The following KLF12 variants were observed in gnomAD, a reference collection of about 807,000 sequenced individuals.
The protein encoded by KLF12 is KLF transcription factor 12.
Under a neutral mutation model 37.8 loss-of-function variants are expected in KLF12, and 9 were observed. That is an observed-to-expected ratio of 0.24 (90% CI 0.14 to 0.42). The LOEUF (loss-of-function observed/expected upper bound fraction) is 0.42. Ranked by LOEUF, KLF12 falls within the 10% of genes least tolerant of loss-of-function variation. The pLI, the probability that KLF12 is intolerant of heterozygous loss-of-function variation, is 1.00. For synonymous variants in KLF12, 208 were observed against 202.1 expected (o/e 1.03, Z -0.25); for missense variants, 411 against 516.0 (o/e 0.80, Z 1.97).
intron 1 of KLF12, among the ~76,000 whole-genome samples, chr13:74,131,995 T>C (rs905544308): frequency 2.8e-4 from 43 of 152,322 alleles, no homozygotes; most frequent in African/African-American, 9.9e-4. Flanking sequence ...ATTTCCACTA[T>C]GCTTCTACAG....
chr13:74,181,801 T>G, the KLF12 span, among the ~76,000 whole-genome samples: 1 of 152,060 alleles, frequency 6.6e-6, no homozygotes, highest in Non-Finnish European at 1.5e-5. Context: ...TTTGACTGTA[T>G]ACACTGTATA....
chr13:74,115,796 A>C (rs895451702), intron 1 of KLF12, among the ~76,000 whole-genome samples: 1 of 151,680 alleles, frequency 6.6e-6, no homozygotes, highest in Non-Finnish European at 1.5e-5. Context: ...CCACATCCTT[A>C]CAACCCCTGC....
At chr13:74,043,234 TTAAA>T (rs1893454575) in intron 1 of KLF12, among the ~76,000 whole-genome samples, 1 of 152,230 alleles carries the variant, frequency 6.6e-6, no homozygotes, top group South Asian at 2.1e-4. Context: ...CTTTGACAGA[TTAAA>T]TGTTTCAAAC....
chr13:73,916,568 A>G (rs1430809464), intron 3 of KLF12, among the ~76,000 whole-genome samples: 1 of 152,244 alleles, frequency 6.6e-6, no homozygotes, highest in East Asian at 1.9e-4. Flanking sequence ...TATATAGCCA[A>G]TATAAATAAA....
chr13:73,963,384 G>T (rs944138722), intron 2 of KLF12, among the ~76,000 whole-genome samples: 1 of 150,720 alleles, frequency 6.6e-6, no homozygotes, highest in African/African-American at 2.4e-5. Flanking sequence ...GGAATTATTT[G>T]TATGTCCCTG....
At chr13:73,993,496 TTTCAAA>T (rs1184831418) in intron 2 of KLF12, among the ~76,000 whole-genome samples, 1 of 152,180 alleles carries the variant, frequency 6.6e-6, no homozygotes, top group East Asian at 1.9e-4. Context: ...ACATTGATCT[TTTCAAA>T]TATAAAAATT....
intron 1 of KLF12, among the ~76,000 whole-genome samples, chr13:74,032,320 G>T (rs1441645357): frequency 1.3e-5 from 2 of 152,046 alleles, no homozygotes; most frequent in African/African-American, 2.4e-5. Context: ...TTTCTTATAT[G>T]TATCTAGATA....
chr13:73,862,056 T>G (rs200676157), intron 3 of KLF12, among the ~76,000 whole-genome samples: 3 of 25,876 alleles, frequency 1.2e-4, no homozygotes, highest in African/African-American at 5.6e-4. Context: ...TATAGTTGGG[T>G]TTTTTTTTTT....
intron 3 of KLF12, among the ~76,000 whole-genome samples, chr13:73,898,238 G>GA (rs1887879308): frequency 6.6e-6 from 1 of 152,060 alleles, no homozygotes; most frequent in African/African-American, 2.4e-5. Flanking sequence ...CTGTGCCTGT[G>GA]ACAAAATAAA....
intron 1 of KLF12, among the ~76,000 whole-genome samples, chr13:74,018,637 A>G (rs1016337389): frequency 5.3e-5 from 8 of 152,226 alleles, no homozygotes; most frequent in Non-Finnish European, 8.8e-5. Context: ...TGAAACTTCA[A>G]TGGAATTTTA....
chr13:74,138,894 G>A (rs1409974181), upstream of KLF12, among the ~76,000 whole-genome samples: 1 of 152,108 alleles, frequency 6.6e-6, no homozygotes, highest in Non-Finnish European at 1.5e-5. Flanking sequence ...TCCAGCCTGG[G>A]CACACACCTT....
chr13:73,743,034 A>AG (rs1878112963), intron 6 of KLF12, among the ~76,000 whole-genome samples: 4 of 150,820 alleles, frequency 2.7e-5, no homozygotes, highest in Middle Eastern at 3.2e-3. Flanking sequence ...AAAAAAAAAA[A>AG]GGGAGCCTTT....
rs67833781 is a variant in KLF12, at chr13:74,093,979, T to A, written c.-32+39760A>T. ...TATCAGTAAAATGCAAAAAAAAAAATACAATAGCTAGTTCATATTTACACA... is the reference window on the plus strand; with the variant it reads ...TATCAGTAAAATGCAAAAAAAAAAAAACAATAGCTAGTTCATATTTACACA... On this transcript the variant is annotated intron_variant, in intron 1 of 7. Coordinates refer to ENST00000377669, the MANE Select transcript of KLF12 (RefSeq NM_007249.5). Among the ~76,000 whole-genome samples the A allele has an allele frequency of 9.7e-3, 667 of 69,116 alleles. 2 individuals carry two copies. Among genetic ancestry groups the A allele is most frequent in the East Asian group, 0.058 (14 of 242 alleles). The allele number at this position is 69,116 out of a possible 152,430, so 45.3% of individuals were successfully genotyped here. A position where few individuals can be genotyped will look rare whatever the true frequency, so the allele number is the denominator to read the frequency against.
At chr13:74,266,476 A>G in the KLF12 span, among the ~76,000 whole-genome samples, 1 of 152,084 alleles carries the variant, frequency 6.6e-6, no homozygotes, top group African/African-American at 2.4e-5. Flanking sequence ...GTGCACATAT[A>G]CACACACACA....
chr13:74,285,689 C>T, the KLF12 span, among the ~76,000 whole-genome samples: 478 of 152,282 alleles, frequency 3.1e-3, 2 homozygotes, highest in African/African-American at 0.011. Flanking sequence ...AGTCCTGGTT[C>T]TGTTACACAA....
In KLF12 at chr13:73,907,947, T is replaced by C. The variant is rs183568335; in HGVS notation, c.123+36034A>G. Among the ~76,000 whole-genome samples the C allele has an allele frequency of 8.5e-5, 13 of 152,196 alleles. No individual in the cohort carries two copies. In the East Asian group the frequency reaches 1.5e-3, roughly 18 times the overall value. ...AGACACAATGCCTTTTTATTATTCC[T>C]CAAACACAGAAACACACTCCTCCTT... On this transcript the variant is annotated intron_variant, in intron 3 of 7. Coordinates refer to ENST00000377669, the MANE Select transcript of KLF12 (RefSeq NM_007249.5).
At position 73,916,114 on chromosome 13, in the gene KLF12, G is replaced by T. The variant is rs753355308; in HGVS notation, c.123+27867C>A. Among the ~76,000 whole-genome samples the T allele has an allele frequency of 2.3e-4, 35 of 151,736 alleles. 1 individual carries two copies. The highest frequency in any genetic ancestry group is 1.0e-4 in the Non-Finnish European group (7 of 67,966). On this transcript the variant is annotated intron_variant, in intron 3 of 7. Coordinates refer to ENST00000377669, the MANE Select transcript of KLF12 (RefSeq NM_007249.5). ...ATTGATCTTGCATAGATTTTTAGAGGATTGGAATAATTTGGCTTTCATAAT... is the reference window on the plus strand; with the variant it reads ...ATTGATCTTGCATAGATTTTTAGAGTATTGGAATAATTTGGCTTTCATAAT...
the KLF12 span, among the ~76,000 whole-genome samples, chr13:74,279,114 G>A: frequency 1.3e-5 from 2 of 152,140 alleles, no homozygotes; most frequent in Non-Finnish European, 2.9e-5. Flanking sequence ...TGCCCAAACA[G>A]GTTCTAGACT....
intron 3 of KLF12, among the ~76,000 whole-genome samples, chr13:73,928,561 A>C (rs1379598118): frequency 6.6e-6 from 1 of 152,232 alleles, no homozygotes; most frequent in African/African-American, 2.4e-5. Flanking sequence ...AAGGAAATGC[A>C]AGCCTAAATT....
Sources: allele counts gnomAD v4.1 joint callset (sites outside exome capture counted in the v4.1 genomes callset), GRCh38; gene constraint gnomAD v4.1.1; transcripts MANE v1.5; gene names NCBI Gene and HGNC (gene_info 2026-07-23, HGNC 2026-07-21).